Variants in SLC24A2 observed in about 807,000 individuals in gnomAD.
SLC24A2 encodes the protein solute carrier family 24 member 2.
Under a neutral mutation model 62.0 loss-of-function variants are expected in SLC24A2, and 36 were observed. That is an observed-to-expected ratio of 0.58 (90% CI 0.44 to 0.77). SLC24A2 has a LOEUF of 0.77. Among genes scored for constraint, SLC24A2 ranks in the 30% least tolerant of loss-of-function variants. The pLI, the probability that SLC24A2 is intolerant of heterozygous loss-of-function variation, is 0.00. For missense variants in SLC24A2, 846 were observed against 817.9 expected (o/e 1.03, Z -0.42); for synonymous variants, 358 against 294.0 (o/e 1.22, Z -2.23).
At chr9:19,902,506 C>G in the SLC24A2 span, among the ~76,000 whole-genome samples, 3 of 152,042 alleles carry the variant, frequency 2.0e-5, no homozygotes, top group Non-Finnish European at 4.4e-5. Flanking sequence ...ACTCCTTATC[C>G]TCCTCCTCAT....
chr9:19,764,160 C>T lies in SLC24A2; in HGVS notation c.930+21777G>A, dbSNP rs572773765. 4.0e-3 allele frequency among the ~76,000 whole-genome samples: 611 copies of T among 152,278 alleles called. 1 individual carries two copies. Among genetic ancestry groups the T allele is most frequent in the South Asian group, 9.1e-3 (44 of 4,826 alleles). On this transcript the variant is annotated intron_variant, in intron 2 of 10. Transcript: ENST00000341998. Reference sequence around the variant, plus strand: ...ATTTCTGTGGCATCAGTGGTGATCTCTCCTTTATCATTTTTTATTGCGTCT... The same window carrying T: ...ATTTCTGTGGCATCAGTGGTGATCTTTCCTTTATCATTTTTTATTGCGTCT...
intron 8 of SLC24A2, among the ~76,000 whole-genome samples, chr9:19,533,182 T>C (rs952640214): frequency 6.6e-6 from 1 of 152,206 alleles, no homozygotes; most frequent in African/African-American, 2.4e-5. Flanking sequence ...AATCATGTTT[T>C]CCTTGTAATT....
chr9:19,803,874 CTT>C, the SLC24A2 span, among the ~76,000 whole-genome samples: 3 of 151,978 alleles, frequency 2.0e-5, no homozygotes, highest in Non-Finnish European at 2.9e-5. Flanking sequence ...AATAAAATAA[CTT>C]AATTGAGATA....
the SLC24A2 span, among the ~76,000 whole-genome samples, chr9:20,103,907 C>A: frequency 2.0e-5 from 3 of 152,040 alleles, no homozygotes; most frequent in Admixed American, 6.6e-5. Context: ...CTCCAAGCTA[C>A]AGGAGGAAAT....
the SLC24A2 span, among the ~76,000 whole-genome samples, chr9:20,192,376 G>T: frequency 2.0e-5 from 3 of 151,322 alleles, no homozygotes; most frequent in African/African-American, 7.3e-5. Flanking sequence ...AAATTGGGAA[G>T]ATATATATAT....
chr9:19,562,229 G>C (rs1316961824), intron 7 of SLC24A2, among the ~76,000 whole-genome samples: 1 of 152,098 alleles, frequency 6.6e-6, no homozygotes, highest in South Asian at 2.1e-4. Context: ...AAGCTAACTG[G>C]AGAAACATAA....
chr9:19,702,950 AT>A (rs1820400262), intron 2 of SLC24A2, among the ~76,000 whole-genome samples: 1 of 102,814 alleles, frequency 9.7e-6, no homozygotes, highest in Non-Finnish European at 2.4e-5. Context: ...CAAATAAAAA[AT>A]AATAATTTTT....
the SLC24A2 span, among the ~76,000 whole-genome samples, chr9:20,006,487 C>T: frequency 6.6e-6 from 1 of 151,498 alleles, no homozygotes; most frequent in Non-Finnish European, 1.5e-5. Context: ...GTTTGTAACA[C>T]AAAAAAGGAT....
chr9:19,596,161 G>T (rs906619571), intron 5 of SLC24A2, among the ~76,000 whole-genome samples: 3 of 152,192 alleles, frequency 2.0e-5, no homozygotes, highest in Non-Finnish European at 4.4e-5. Flanking sequence ...CTTGCCCGGG[G>T]TTGTCAGATG....
rs1586950411 is a variant in SLC24A2 at position 19,555,467 on chromosome 9, C to G, written c.1348-5199G>C. ...GGATCTGTGCTCACCATGTTGCGGT[C>G]TTAGTACTGTCATTTCTCATCCTGG... On this transcript the variant is annotated intron_variant, in intron 7 of 10. Transcript: ENST00000341998. Among the ~76,000 whole-genome samples the G allele has an allele frequency of 2.0e-5, 3 of 152,312 alleles. No individual in the cohort carries two copies. In the South Asian group the frequency reaches 6.2e-4, roughly 32 times the overall value.
chr9:19,582,003 A>C (rs1054249739), intron 5 of SLC24A2, among the ~76,000 whole-genome samples: 2 of 152,214 alleles, frequency 1.3e-5, no homozygotes, highest in African/African-American at 4.8e-5. Context: ...AAACTGCTCA[A>C]ATCGTGAGGC....
chr9:19,828,893 C>T, the SLC24A2 span, among the ~76,000 whole-genome samples: 1 of 152,104 alleles, frequency 6.6e-6, no homozygotes. Context: ...TCCATCCCAA[C>T]ATCCTATTTG....
the SLC24A2 span, among the ~76,000 whole-genome samples, chr9:20,241,980 ATCT>A: frequency 6.6e-6 from 1 of 152,104 alleles, no homozygotes; most frequent in East Asian, 1.9e-4. Flanking sequence ...CTCCTCTAGA[ATCT>A]TCTTGAAATT....
In SLC24A2 at chr9:19,581,125, C is replaced by T. The variant is rs79197315; in HGVS notation, c.1130-4103G>A. On this transcript the variant is annotated intron_variant, in intron 5 of 10. Coordinates refer to ENST00000341998, the MANE Select transcript of SLC24A2 (RefSeq NM_020344.4). ...CCTCTCTTCTCTCAATCCACACAGG[C>T]CGAGCTGGAGAATCAGCCACATTCA... Among the ~76,000 whole-genome samples the T allele has an allele frequency of 4.9e-3, 742 of 152,244 alleles. 3 individuals carry two copies. Among genetic ancestry groups the T allele is most frequent in the Admixed American group, 8.4e-3 (129 of 15,286 alleles).
chr9:20,208,317 G>A, the SLC24A2 span, among the ~76,000 whole-genome samples: 2 of 152,178 alleles, frequency 1.3e-5, no homozygotes, highest in African/African-American at 2.4e-5. Flanking sequence ...GAGAGCAAGG[G>A]CTAGAGGAAT....
At chr9:19,978,895 C>T in the SLC24A2 span, among the ~76,000 whole-genome samples, 3 of 152,048 alleles carry the variant, frequency 2.0e-5, no homozygotes, top group Non-Finnish European at 1.5e-5. Flanking sequence ...CATTTCTCTG[C>T]ATGTTTAGGA....
At chr9:20,068,797 G>C in the SLC24A2 span, among the ~76,000 whole-genome samples, 5 of 152,184 alleles carry the variant, frequency 3.3e-5, no homozygotes, top group East Asian at 7.7e-4. Context: ...TACTAATATG[G>C]ACAAGTTTTG....
rs1434128799 is a variant in SLC24A2 at position 19,636,281 on chromosome 9, CTTCTCT to C, written c.931-13988_931-13983del. Among the ~76,000 whole-genome samples the C allele has an allele frequency of 2.7e-4, 20 of 74,154 alleles. 1 individual carries two copies. Among genetic ancestry groups the C allele is most frequent in the East Asian group, 2.6e-3 (9 of 3,404 alleles). The allele number at this position is 74,154 out of a possible 152,430, so 48.6% of individuals were successfully genotyped here. A position where few individuals can be genotyped will look rare whatever the true frequency, so the allele number is the denominator to read the frequency against. On this transcript the variant is annotated intron_variant, in intron 2 of 10. Coordinates refer to ENST00000341998, the MANE Select transcript of SLC24A2 (RefSeq NM_020344.4). ...TTTTCTTTTCTTCTCTTCTTCTCTT[CTTCTCT>C]TCTTTTCTTTTCTTTTCTTTTCTTT... is the stretch of plus-strand genomic sequence containing the variant.
chr9:19,967,104 T>C, the SLC24A2 span: 4 of 152,310 alleles, frequency 2.6e-5, no homozygotes, highest in Non-Finnish European at 5.9e-5. Flanking sequence ...GACCTTGTGA[T>C]GTATACAAGG....
Sources: gnomAD v4.1 joint callset for allele counts (sites outside exome capture counted in the v4.1 genomes callset) on GRCh38, gnomAD v4.1.1 for gene constraint, MANE v1.5 for transcripts, NCBI Gene and HGNC (gene_info 2026-07-23, HGNC 2026-07-21) for gene names.